The following ADAMTSL3 variants were observed in gnomAD, a reference collection of about 807,000 sequenced individuals.
The protein encoded by ADAMTSL3 is ADAMTS like 3.
A neutral mutation model predicts 201.7 loss-of-function variants in ADAMTSL3; 128 were observed. That is an observed-to-expected ratio of 0.63 (90% CI 0.55 to 0.73). The LOEUF (loss-of-function observed/expected upper bound fraction) is 0.73, where lower values mean the gene tolerates loss of function less well. Among genes scored for constraint, ADAMTSL3 ranks in the 30% least tolerant of loss-of-function variants. The pLI, the probability that ADAMTSL3 is intolerant of heterozygous loss-of-function variation, is 0.00. For synonymous variants in ADAMTSL3, 738 were observed against 748.4 expected, an observed-to-expected ratio of 0.99 and a Z score of 0.23; for missense variants, 1,990 against 2,119.6, an observed-to-expected ratio of 0.94 and a Z score of 1.20.
chr15:83,911,144 A>G (rs1324153938), intron 15 of ADAMTSL3, among the ~76,000 whole-genome samples: 1 of 152,190 alleles, frequency 6.6e-6, no homozygotes, highest in South Asian at 2.1e-4. Context: ...TTAAAAATAT[A>G]AAGTAAAAAC....
At chr15:83,776,982 G>A (rs2141767662) in intron 4 of ADAMTSL3, among the ~76,000 whole-genome samples, 1 of 152,324 alleles carries the variant, frequency 6.6e-6, no homozygotes, top group African/African-American at 2.4e-5. Flanking sequence ...TGCAGACAGA[G>A]CCTTGGTGGG....
chr15:83,678,050 C>A (rs2061429915), intron 2 of ADAMTSL3, among the ~76,000 whole-genome samples: 1 of 151,928 alleles, frequency 6.6e-6, no homozygotes, highest in Non-Finnish European at 1.5e-5. Context: ...AGTGTAGAAA[C>A]CTTACCTCTA....
intron 22 of ADAMTSL3, among the ~76,000 whole-genome samples, chr15:83,990,490 C>A (rs1253400010): frequency 6.6e-6 from 1 of 152,176 alleles, no homozygotes; most frequent in Non-Finnish European, 1.5e-5. Context: ...CAGGTGCAGA[C>A]CACAGAGTGG....
At chr15:84,003,689 A>G (rs538939290) in intron 23 of ADAMTSL3, among the ~76,000 whole-genome samples, 1 of 152,220 alleles carries the variant, frequency 6.6e-6, no homozygotes, top group Non-Finnish European at 1.5e-5. Flanking sequence ...TTATACTGTA[A>G]GAAATGCCTT....
At chr15:83,897,173 T>A (rs2065632924) in intron 13 of ADAMTSL3, among the ~76,000 whole-genome samples, 1 of 151,940 alleles carries the variant, frequency 6.6e-6, no homozygotes, top group African/African-American at 2.4e-5. Context: ...ATGAAAACAT[T>A]CCACTCATAG....
At chr15:83,801,659 T>TATAAATATATAAATATAA (rs1481743173) in intron 4 of ADAMTSL3, among the ~76,000 whole-genome samples, 12 of 39,794 alleles carry the variant, frequency 3.0e-4, no homozygotes, top group African/African-American at 1.1e-3. Flanking sequence ...TAAATATATA[T>TATAAATATATAAATATAA]ATATATATAT....
At chr15:83,786,937 A>T (rs1416745918) in intron 4 of ADAMTSL3, among the ~76,000 whole-genome samples, 1 of 152,166 alleles carries the variant, frequency 6.6e-6, no homozygotes, top group East Asian at 1.9e-4. Context: ...TCATTCCGAG[A>T]TCTGACATAG....
intron 7 of ADAMTSL3, among the ~76,000 whole-genome samples, chr15:83,854,815 TACTG>T (rs1346816011): frequency 3.3e-5 from 5 of 152,260 alleles, no homozygotes; most frequent in African/African-American, 1.2e-4. Flanking sequence ...TTTTATATGT[TACTG>T]ACAATATTCT....
In ADAMTSL3 at chr15:84,031,380, C is replaced by T; in HGVS notation, c.4702C>T (p.His1568Tyr). 1.2e-6 allele frequency: 2 copies of T among 1,614,056 alleles called. No individual in the cohort carries two copies. The highest frequency in any genetic ancestry group is 3.3e-5 in the Admixed American group (2 of 60,024). The change falls in exon 28 of 30, where the codon CAC becomes TAC. Residue 1568 changes from histidine (H) to tyrosine (Y), a missense_variant. Coordinates refer to ENST00000286744, the MANE Select transcript of ADAMTSL3 (RefSeq NM_207517.3). ...MGRAVRMQQR[H>Y]TACQHNSSDS... ...CCGTGCTGTGAGGATGCAGCAGCGT[C>T]ACACAGCTTGTCAACACAACAGCTC...
At chr15:83,863,980 A>G (rs1458581869) in intron 8 of ADAMTSL3, among the ~76,000 whole-genome samples, 1 of 152,228 alleles carries the variant, frequency 6.6e-6, no homozygotes, top group Non-Finnish European at 1.5e-5. Context: ...GAATACTATA[A>G]ACACCTCTAA....
intron 16 of ADAMTSL3, among the ~76,000 whole-genome samples, chr15:83,916,375 A>C (rs2141970018): frequency 1.3e-5 from 2 of 152,296 alleles, no homozygotes; most frequent in South Asian, 4.1e-4. Context: ...CAAATTTTAT[A>C]GTTGAGGAAG....
At chr15:83,891,575 G>C (rs2065499547) in intron 12 of ADAMTSL3, among the ~76,000 whole-genome samples, 196 bp downstream of exon 12, 1 of 152,190 alleles carries the variant, frequency 6.6e-6, no homozygotes, top group South Asian at 2.1e-4. Context: ...AAAAGATGAT[G>C]TTTCCCATCG....
At chr15:83,834,034 C>G (rs981800749) in intron 6 of ADAMTSL3, among the ~76,000 whole-genome samples, 1 of 152,142 alleles carries the variant, frequency 6.6e-6, no homozygotes, top group African/African-American at 2.4e-5. Flanking sequence ...GCTGGGTTTT[C>G]CTGCAGTAAC....
intron 7 of ADAMTSL3, among the ~76,000 whole-genome samples, chr15:83,846,028 C>A (rs180790339): frequency 1.1e-3 from 169 of 152,274 alleles, no homozygotes; most frequent in African/African-American, 3.6e-3. Flanking sequence ...GACCAGCATC[C>A]CTATGGAAGC....
intron 4 of ADAMTSL3, among the ~76,000 whole-genome samples, chr15:83,790,139 C>A (rs549452951): frequency 5.3e-5 from 8 of 150,848 alleles, no homozygotes; most frequent in South Asian, 2.1e-4. Context: ...GTTTCACTGG[C>A]AAATTCTACC....
At chr15:83,936,043 A>T (rs1332830722) in intron 17 of ADAMTSL3, among the ~76,000 whole-genome samples, 4 of 152,102 alleles carry the variant, frequency 2.6e-5, no homozygotes, top group Non-Finnish European at 5.9e-5. Context: ...TCCCAGAAGG[A>T]AGGTCTGAGA....
At chr15:83,904,452 A>C (rs2065796220) in intron 15 of ADAMTSL3, among the ~76,000 whole-genome samples, 1 of 152,032 alleles carries the variant, frequency 6.6e-6, no homozygotes, top group Non-Finnish European at 1.5e-5. Context: ...TGTATTTTAC[A>C]TCCCTCCAGT....
chr15:83,907,313 T>C (rs1035297017), intron 15 of ADAMTSL3, among the ~76,000 whole-genome samples: 1 of 152,214 alleles, frequency 6.6e-6, no homozygotes, highest in South Asian at 2.1e-4. Flanking sequence ...CAAACCTATA[T>C]AATTTTTATC....
intron 27 of ADAMTSL3, among the ~76,000 whole-genome samples, chr15:84,027,252 T>C (rs975948485): frequency 5.3e-5 from 8 of 152,254 alleles, no homozygotes; most frequent in Non-Finnish European, 1.0e-4. Flanking sequence ...TGTGGAGAAA[T>C]TGGAACCTTC....
Sources: gnomAD v4.1 joint callset for allele counts (sites outside exome capture counted in the v4.1 genomes callset) on GRCh38, gnomAD v4.1.1 for gene constraint, MANE v1.5 for transcripts, NCBI Gene and HGNC (gene_info 2026-07-23, HGNC 2026-07-21) for gene names.